The following RAB14 variants were observed in gnomAD, a reference collection of about 807,000 sequenced individuals.
The protein encoded by RAB14 is ras-related protein Rab-14.
A neutral mutation model predicts 31.1 loss-of-function variants in RAB14; 3 were observed. The observed-to-expected ratio is 0.10, with a 90% CI of 0.04 to 0.25. The LOEUF (loss-of-function observed/expected upper bound fraction) is 0.25, where lower values mean the gene tolerates loss of function less well. Among genes scored for constraint, RAB14 ranks in the 10% least tolerant of loss-of-function variants. The pLI is 1.00. For missense variants in RAB14, 111 were observed against 260.1 expected, an observed-to-expected ratio of 0.43 and a Z score of 3.94; for synonymous variants, 85 against 84.9, an observed-to-expected ratio of 1.00 and a Z score of 0.00.
At chr9:121,198,307 A>G (rs946323835) in intron 1 of RAB14, among the ~76,000 whole-genome samples, 4 of 152,200 alleles carry the variant, frequency 2.6e-5, no homozygotes, top group African/African-American at 9.7e-5. Context: ...GCATTTACTG[A>G]TAATAAGAGG....
chr9:121,199,913 T>C (rs979013773), intron 1 of RAB14, among the ~76,000 whole-genome samples: 1 of 152,132 alleles, frequency 6.6e-6, no homozygotes, highest in Non-Finnish European at 1.5e-5. Context: ...GCTATACTCC[T>C]CTCTCATTCA....
In RAB14 at chr9:121,194,090, TCACTCA is replaced by T. The variant is rs71370635; in HGVS notation, c.-7-677_-7-672del. ...AACCTAATACAGGACTTGCAGATTA[TCACTCA>T]CACACACACACACACACACACACAC... On this transcript the variant is annotated intron_variant, in intron 1 of 7. Transcript: ENST00000373840. Among the ~76,000 whole-genome samples, 712 of 141,372 alleles carry T rather than the reference TCACTCA, an allele frequency of 5.0e-3. 8 individuals are homozygous for T. Among genetic ancestry groups the T allele is most frequent in the African/African-American group, 0.019 (661 of 34,722 alleles). The allele number at this position is 141,372 out of a possible 152,430, so 92.7% of individuals were successfully genotyped here. A position where few individuals can be genotyped will look rare whatever the true frequency, so the allele number is the denominator to read the frequency against.
chr9:121,186,845 C>G (rs576800708), intron 5 of RAB14, 108 bp downstream of exon 5: 2 of 586,170 alleles, frequency 3.4e-6, no homozygotes, highest in South Asian at 7.2e-5. Context: ...AATAAAAATT[C>G]TCTCATTCTT....
intron 5 of RAB14, among the ~76,000 whole-genome samples, chr9:121,184,815 T>C (rs2053650866): frequency 6.6e-6 from 1 of 152,190 alleles, no homozygotes; most frequent in Non-Finnish European, 1.5e-5. Flanking sequence ...AAAATAATGA[T>C]ACTTAAAAAG....
intron 4 of RAB14, among the ~76,000 whole-genome samples, chr9:121,189,439 A>G (rs528734868): frequency 1.3e-5 from 2 of 152,224 alleles, no homozygotes; most frequent in East Asian, 1.9e-4. Flanking sequence ...CAGTCTTCCC[A>G]TAATACTCTT....
intron 5 of RAB14, among the ~76,000 whole-genome samples, chr9:121,184,872 G>C (rs879423225): frequency 1.3e-5 from 2 of 152,166 alleles, no homozygotes; most frequent in Non-Finnish European, 2.9e-5. Flanking sequence ...ACAATGACTA[G>C]CATAGGGCCA....
intron 1 of RAB14, among the ~76,000 whole-genome samples, chr9:121,194,928 T>G (rs1279998869): frequency 6.6e-6 from 1 of 152,202 alleles, no homozygotes; most frequent in Admixed American, 6.5e-5. Flanking sequence ...GTAGAAGCCT[T>G]GTTACCCATT....
At chr9:121,192,919 C>G (rs1322531738) in intron 2 of RAB14, among the ~76,000 whole-genome samples, 2 of 151,890 alleles carry the variant, frequency 1.3e-5, no homozygotes, top group African/African-American at 4.8e-5. Context: ...CTTCTTGAAA[C>G]TTAAGGAAAA....
chr9:121,181,792 G>GGCTGGAGT (rs896960289), intron 7 of RAB14, among the ~76,000 whole-genome samples: 1 of 124,312 alleles, frequency 8.0e-6, no homozygotes, highest in African/African-American at 2.8e-5. Context: ...TCTGTCACCA[G>GGCTGGAGT]GCTGGAGTGC....
At chr9:121,186,770 C>T in intron 5 of RAB14, among the ~76,000 whole-genome samples, 183 bp downstream of exon 5, 1 of 152,012 alleles carries the variant, frequency 6.6e-6, no homozygotes, top group East Asian at 1.9e-4. Context: ...TAATAAAATG[C>T]AAAACCTGGT....
rs566780389 is a variant in RAB14 at position 121,200,486 on chromosome 9, C to T, written c.-8+1153G>A. On this transcript the variant is annotated intron_variant, in intron 1 of 7. Transcript: ENST00000373840. ...AGGAAGGCACCTGTCCTCTTGGAAC[C>T]CGTTTCTTCTTCATATATGAAACTG... Among the ~76,000 whole-genome samples, 44 of 152,314 alleles carry T rather than the reference C, an allele frequency of 2.9e-4. 1 individual carries two copies. The highest frequency in any genetic ancestry group is 1.0e-3 in the African/African-American group (42 of 41,566).
At position 121,179,932 on chromosome 9, in the gene RAB14, C is replaced by T. The variant is rs2053623957; in HGVS notation, c.*1464G>A. On this transcript the variant is annotated 3_prime_UTR_variant, in exon 8 of 8. Coordinates refer to ENST00000373840, the MANE Select transcript of RAB14 (RefSeq NM_016322.4). Reference sequence around the variant, plus strand: ...AATTCTCAATTCCCAGCCACTGAATCATAAATGCAATAAAAAAAATCAACA... The same window carrying T: ...AATTCTCAATTCCCAGCCACTGAATTATAAATGCAATAAAAAAAATCAACA... 2 of 151,496 alleles carry T rather than the reference C, an allele frequency of 1.3e-5. No homozygotes were observed. The highest frequency in any genetic ancestry group is 1.3e-4 in the Admixed American group (2 of 15,194). The allele number at this position is 151,496 out of a possible 1,614,324, so 9.4% of individuals were successfully genotyped here.
At chr9:121,189,407 C>T (rs942152) in intron 4 of RAB14, among the ~76,000 whole-genome samples, 87,200 of 151,888 alleles carry the variant, frequency 0.57, 25,804 homozygotes, top group East Asian at 0.92. Flanking sequence ...GACAGTTCTG[C>T]GTAGGCGGCC....
rs779398596 is a variant in RAB14, at chr9:121,181,584, A to G, written c.471-11T>C. Reference sequence around the variant, plus strand: ...TCTACATTCTCTCCCCTAAGAGGCAATTGATAACTTTATTGGAGAACCACA... The same window carrying G: ...TCTACATTCTCTCCCCTAAGAGGCAGTTGATAACTTTATTGGAGAACCACA... On this transcript the variant is annotated splice_polypyrimidine_tract_variant and intron_variant, in intron 7 of 7. Coordinates refer to ENST00000373840, the MANE Select transcript of RAB14 (RefSeq NM_016322.4). 1 of 1,594,948 alleles carries G rather than the reference A, an allele frequency of 6.3e-7. No individual in the cohort carries two copies. The highest frequency in any genetic ancestry group is 2.2e-5 in the East Asian group (1 of 44,488).
chr9:121,189,713 A>G (rs1047011634), intron 4 of RAB14, among the ~76,000 whole-genome samples: 3 of 152,174 alleles, frequency 2.0e-5, no homozygotes, highest in African/African-American at 7.2e-5. Flanking sequence ...ATTATGACAC[A>G]TCAAGAGGAA....
intron 3 of RAB14, 49 bp from the exon 4 acceptor site, chr9:121,190,780 A>T (rs769866336): frequency 9.8e-5 from 154 of 1,577,462 alleles, no homozygotes; most frequent in Non-Finnish European, 1.2e-4. Flanking sequence ...AAAACTTCAA[A>T]TTAAGCCTAG....
At chr9:121,187,665 T>C (rs1167655177) in intron 4 of RAB14, among the ~76,000 whole-genome samples, 1 of 152,096 alleles carries the variant, frequency 6.6e-6, no homozygotes, top group Admixed American at 6.6e-5. Context: ...TCTGGAATTC[T>C]AACTGCCCAA....
intron 4 of RAB14, among the ~76,000 whole-genome samples, chr9:121,187,662 T>C (rs2053665177): frequency 6.6e-6 from 1 of 152,058 alleles, no homozygotes; most frequent in Non-Finnish European, 1.5e-5. Flanking sequence ...TATTCTGGAA[T>C]TCTAACTGCC....
chr9:121,182,897 T>C (rs1227402019), intron 7 of RAB14, 33 bp downstream of exon 7: 4 of 1,579,384 alleles, frequency 2.5e-6, no homozygotes, highest in Non-Finnish European at 3.5e-6. Flanking sequence ...AACTTGAATA[T>C]AATTGAAATA....
Sources: allele counts gnomAD v4.1 joint callset (sites outside exome capture counted in the v4.1 genomes callset), GRCh38; gene constraint gnomAD v4.1.1; transcripts MANE v1.5; gene names NCBI Gene and HGNC (gene_info 2026-07-23, HGNC 2026-07-21).